Variants in CR1 observed in about 807,000 individuals in gnomAD.
CR1 encodes complement C3b/C4b receptor 1 (Knops blood group), also known as complement receptor type 1.
In CR1, 116 loss-of-function variants were observed where a neutral mutation model predicts 187.3. The observed-to-expected ratio is 0.62, with a 90% confidence interval of 0.53 to 0.72. The LOEUF (loss-of-function observed/expected upper bound fraction) is 0.72, where lower values mean the gene tolerates loss of function less well. Among genes scored for constraint, CR1 ranks in the 30% least tolerant of loss-of-function variants. The pLI, the probability that CR1 is intolerant of heterozygous loss-of-function variation, is 0.00. For synonymous variants in CR1, 576 were observed against 747.1 expected (o/e 0.77, Z 3.73); for missense variants, 1,731 against 2,110.7 (o/e 0.82, Z 3.52).
Position 207,514,670 on chromosome 1 carries a change from A to AGCACC in CR1, c.487+3019_487+3023dup, listed in dbSNP as rs547259938. 6.6e-5 allele frequency among the ~76,000 whole-genome samples: 10 copies of AGCACC among 152,304 alleles called. No homozygotes were observed. In the South Asian group the frequency reaches 2.1e-3, roughly 32 times the overall value. ...AAATAGACTAAGACATTGGGCAACC[A>AGCACC]GCACCGCCAATTAATTCTAGAACAC... On this transcript the variant is annotated intron_variant, in intron 4 of 46. Coordinates refer to ENST00000367049, the MANE Select transcript of CR1 (RefSeq NM_000651.6).
chr1:207,612,100 T>C, intron 39 of CR1, 59 bp downstream of exon 39: 2 of 1,545,018 alleles, frequency 1.3e-6, no homozygotes, highest in Non-Finnish European at 1.8e-6. Flanking sequence ...TCTCTTGAGA[T>C]CAGGGGTTAA....
Position 207,567,932 on chromosome 1 carries a change from C to G in CR1, c.4061C>G (p.Pro1354Arg), listed in dbSNP as rs534360109. The change falls in exon 25 of 47, where the codon CCA (proline) becomes CGA (arginine). Residue 1354 changes from proline to arginine, a missense_variant. By Grantham distance (103) the Pro-to-Arg change is moderately radical (BLOSUM62 -2). Transcript: ENST00000367049. ...KAVNYTCDPH[P>R]DRGTSFDLIG... is the part of the protein sequence containing the mutation. ...GTAAATTACACATGCGACCCCCACC[C>G]AGACAGAGGGACGAGCTTCGACCTC... 2.0e-5 allele frequency: 32 copies of G among 1,610,640 alleles called. 2 individuals are homozygous for G. In the African/African-American group the frequency reaches 4.3e-4, roughly 22 times the overall value.
Position 207,496,405 on chromosome 1 carries a change from C to T in CR1, c.121+17C>T, listed in dbSNP as rs752538669. ...TGGCCTGGGGTGAGAGGCGGGCGGG[C>T]GTGGGGAGGCGCCCGGGCGGACGAG... On this transcript the variant is annotated intron_variant, in intron 1 of 46. Coordinates refer to ENST00000367049, the MANE Select transcript of CR1 (RefSeq NM_000651.6). The T allele has an allele frequency of 6.3e-7, 1 of 1,594,382 alleles. No homozygotes were observed. Among genetic ancestry groups the T allele is most frequent in the Admixed American group, 1.8e-5 (1 of 56,708 alleles).
intron 4 of CR1, among the ~76,000 whole-genome samples, chr1:207,515,825 C>T (rs1182233033): frequency 5.9e-5 from 9 of 151,730 alleles, no homozygotes; most frequent in African/African-American, 2.2e-4. Flanking sequence ...TTCTTTTTTC[C>T]TTCTTAATGA....
intron 3 of CR1, among the ~76,000 whole-genome samples, chr1:207,508,889 C>A (rs1191221764): frequency 6.6e-6 from 1 of 151,852 alleles, no homozygotes; most frequent in Non-Finnish European, 1.5e-5. Flanking sequence ...TATAATCCTG[C>A]TAAAATTTCT....
chr1:207,601,671 T>C (rs1442227401), intron 35 of CR1, among the ~76,000 whole-genome samples: 2 of 152,224 alleles, frequency 1.3e-5, no homozygotes, highest in African/African-American at 2.4e-5. Flanking sequence ...ACTAATGATG[T>C]GGAGCATCTT....
intron 28 of CR1, among the ~76,000 whole-genome samples, chr1:207,577,328 G>A (rs1256362502): frequency 3.3e-5 from 5 of 151,830 alleles, no homozygotes; most frequent in African/African-American, 1.2e-4. Flanking sequence ...GGTTAACTGA[G>A]TAGAGCAGCA....
In CR1 at chr1:207,523,732, G is replaced by A. The variant is rs1660069492; in HGVS notation, c.609G>A (p.Lys203=). The part of the protein sequence containing the change: ...YRCNPGSGGR[K]VFELVGEPSI... ...GCAATCCTGGAAGCGGAGGGAGAAA[G>A]GTGTTTGAGCTTGTGGGTGAGCCCT... The change falls in exon 5 of 47, where the codon AAG becomes AAA. Residue 203 remains lysine (K), a synonymous_variant. Transcript: ENST00000367049. 3.7e-6 allele frequency: 6 copies of A among 1,612,462 alleles called. No individual in the cohort carries two copies. In the East Asian group the frequency reaches 8.9e-5, roughly 24 times the overall value.
intron 31 of CR1, among the ~76,000 whole-genome samples, chr1:207,581,348 G>A (rs377470714): frequency 8.3e-5 from 11 of 132,286 alleles, no homozygotes; most frequent in Admixed American, 2.8e-4. Flanking sequence ...ATATGTATAC[G>A]TATACATGTC....
Position 207,617,507 on chromosome 1 carries a change from A to ATATATATATATATG in CR1, c.6890-563_6890-562insATATATATATATGT, listed in dbSNP as rs1332301171. 1.5e-4 allele frequency among the ~76,000 whole-genome samples: 7 copies of ATATATATATATATG among 47,028 alleles called. No homozygotes were observed. In the East Asian group the frequency reaches 1.8e-3, roughly 12 times the overall value. The allele number at this position is 47,028 out of a possible 152,430, so 30.9% of individuals were successfully genotyped here. On this transcript the variant is annotated intron_variant, in intron 41 of 46. Transcript: ENST00000367049. ...AGTATATATATATATATATATATAT[A>ATATATATATATATG]TGTGTGTGTGTGTGTGTGTGTGTGT...
At chr1:207,610,697 G>A (rs963430846) in intron 37 of CR1, among the ~76,000 whole-genome samples, 20 of 152,054 alleles carry the variant, frequency 1.3e-4, no homozygotes, top group African/African-American at 2.2e-4. Context: ...CCAACATTTC[G>A]GTTAAAATAC....
chr1:207,518,453 T>C (rs1455200764), intron 4 of CR1, among the ~76,000 whole-genome samples: 1 of 152,226 alleles, frequency 6.6e-6, no homozygotes, highest in Admixed American at 6.5e-5. Context: ...TGGAGAAGCA[T>C]GTGTAAAATA....
chr1:207,615,129 C>T (rs1418581235), intron 40 of CR1, among the ~76,000 whole-genome samples: 12 of 152,108 alleles, frequency 7.9e-5, no homozygotes, highest in Non-Finnish European at 1.3e-4. Flanking sequence ...GTTCTTTTAT[C>T]CCCTCGCATA....
intron 29 of CR1, among the ~76,000 whole-genome samples, chr1:207,579,478 T>C (rs1660870315): frequency 6.6e-6 from 1 of 151,876 alleles, no homozygotes; most frequent in African/African-American, 2.4e-5. Context: ...CAGGATGAAG[T>C]GAAAAAACAG....
At chr1:207,501,417 TATA>T (rs1659264826) in intron 1 of CR1, among the ~76,000 whole-genome samples, 1 of 152,240 alleles carries the variant, frequency 6.6e-6, no homozygotes, top group South Asian at 2.1e-4. Context: ...TTGATAAAGC[TATA>T]AAAACTTTTA....
At chr1:207,517,491 C>T (rs1268230139) in intron 4 of CR1, among the ~76,000 whole-genome samples, 1 of 151,898 alleles carries the variant, frequency 6.6e-6, no homozygotes, top group Non-Finnish European at 1.5e-5. Context: ...TTTTAATGTC[C>T]TTATCAGGTT....
chr1:207,634,124 T>A (rs1034147000), intron 46 of CR1, among the ~76,000 whole-genome samples: 1 of 152,178 alleles, frequency 6.6e-6, no homozygotes, highest in Non-Finnish European at 1.5e-5. Context: ...ATTCTTCAGT[T>A]ACTTCAGGCC....
At chr1:207,580,447 CTCTT>C (rs755549361) in intron 30 of CR1, 31 bp downstream of exon 30, 4 of 1,608,858 alleles carry the variant, frequency 2.5e-6, no homozygotes. Context: ...CCAGATTTCT[CTCTT>C]TACCCCACAC....
At chr1:207,596,133 T>C (rs1661435365) in intron 35 of CR1, among the ~76,000 whole-genome samples, 1 of 150,606 alleles carries the variant, frequency 6.6e-6, no homozygotes, top group East Asian at 1.9e-4. Context: ...AACCACTTGG[T>C]CCATAAAACA....
Sources: allele counts gnomAD v4.1 joint callset (sites outside exome capture counted in the v4.1 genomes callset), GRCh38; gene constraint gnomAD v4.1.1; transcripts MANE v1.5; gene names NCBI Gene and HGNC (gene_info 2026-07-23, HGNC 2026-07-21).